The following PRIM2 variants were observed in gnomAD, a reference collection of about 807,000 sequenced individuals.
PRIM2 encodes the protein DNA primase subunit 2.
PRIM2 carries 39 observed loss-of-function variants against 67.3 expected under a neutral mutation model. The observed-to-expected ratio is 0.58, with a 90% CI of 0.45 to 0.76. The LOEUF (loss-of-function observed/expected upper bound fraction) is 0.76. PRIM2 is among the 30% of genes least tolerant of loss of function. The pLI, the probability that PRIM2 is intolerant of heterozygous loss-of-function variation, is 0.00. For synonymous variants in PRIM2, 143 were observed against 198.7 expected (o/e 0.72, Z 2.36); for missense variants, 398 against 598.7 (o/e 0.66, Z 3.50).
At chr6:57,571,338 A>G (rs1211192581) in intron 10 of PRIM2, among the ~76,000 whole-genome samples, 1 of 152,048 alleles carries the variant, frequency 6.6e-6, no homozygotes, top group Non-Finnish European at 1.5e-5. Context: ...TATTGTGCCT[A>G]TTATTATACA....
At chr6:57,262,798 G>A in the PRIM2 span, among the ~76,000 whole-genome samples, 2 of 152,118 alleles carry the variant, frequency 1.3e-5, no homozygotes, top group Admixed American at 6.5e-5. Context: ...AACTCACAGA[G>A]GTTCTGCAAC....
intron 5 of PRIM2, among the ~76,000 whole-genome samples, chr6:57,346,415 G>C (rs1302408306): frequency 1.3e-5 from 2 of 152,080 alleles, no homozygotes; most frequent in Non-Finnish European, 2.9e-5. Context: ...CGCCTCCTGG[G>C]TTCAAATGAT....
the PRIM2 span, among the ~76,000 whole-genome samples, chr6:57,306,852 A>G: frequency 3.3e-5 from 5 of 152,318 alleles, no homozygotes; most frequent in African/African-American, 1.2e-4. Flanking sequence ...AACTTTTATA[A>G]AAATGCTGAA....
At chr6:57,622,696 A>C (rs1179017959) in intron 12 of PRIM2, among the ~76,000 whole-genome samples, 1 of 152,194 alleles carries the variant, frequency 6.6e-6, no homozygotes, top group Non-Finnish European at 1.5e-5. Flanking sequence ...GGTGCTTCTA[A>C]GAAACTTAAG....
chr6:57,332,131 T>C (rs1489240334), intron 5 of PRIM2, among the ~76,000 whole-genome samples: 1 of 152,152 alleles, frequency 6.6e-6, no homozygotes, highest in Non-Finnish European at 1.5e-5. Flanking sequence ...TATTCTTTTT[T>C]ACTTTGACAC....
At chr6:57,477,964 AAAATAT>A (rs1421604259) in intron 7 of PRIM2, among the ~76,000 whole-genome samples, 1 of 152,242 alleles carries the variant, frequency 6.6e-6, no homozygotes, top group Non-Finnish European at 1.5e-5. Context: ...GCACTGCACT[AAAATAT>A]AAATAAAAAT....
the PRIM2 span, among the ~76,000 whole-genome samples, chr6:57,263,924 A>T: frequency 6.6e-6 from 1 of 152,174 alleles, no homozygotes; most frequent in Non-Finnish European, 1.5e-5. Flanking sequence ...CTCCTGACTC[A>T]TGATCAATCC....
chr6:57,244,833 A>C, the PRIM2 span, among the ~76,000 whole-genome samples: 1 of 151,562 alleles, frequency 6.6e-6, no homozygotes, highest in Non-Finnish European at 1.5e-5. Context: ...AAGTTTCTGA[A>C]CTCCTTGAGG....
intron 7 of PRIM2, among the ~76,000 whole-genome samples, chr6:57,460,474 G>A (rs1772967802): frequency 6.6e-6 from 1 of 152,086 alleles, no homozygotes; most frequent in Non-Finnish European, 1.5e-5. Flanking sequence ...ATATTATTCT[G>A]TAATGCTCGT....
At chr6:57,449,668 T>TAAG (rs1772475665) in intron 7 of PRIM2, among the ~76,000 whole-genome samples, 1 of 152,230 alleles carries the variant, frequency 6.6e-6, no homozygotes, top group Non-Finnish European at 1.5e-5. Flanking sequence ...TTCAAGCATT[T>TAAG]AAGTGCTTGT....
At chr6:57,329,254 T>A (rs533972134) in intron 5 of PRIM2, among the ~76,000 whole-genome samples, 1 of 152,318 alleles carries the variant, frequency 6.6e-6, no homozygotes, top group South Asian at 2.1e-4. Flanking sequence ...GTTTTTTCTG[T>A]AAGAGTTTTG....
chr6:57,227,322 GT>G, the PRIM2 span, among the ~76,000 whole-genome samples: 1 of 152,184 alleles, frequency 6.6e-6, no homozygotes, highest in African/African-American at 2.4e-5. Flanking sequence ...TCACAATCAA[GT>G]TTTTGTCATC....
rs550999148 is a variant in PRIM2, at chr6:57,437,757, CTGG to C, written c.693+55590_693+55592del. ...CTTGGCTCACTGCAGCCTCGAACTC[CTGG>C]GCTCAAGCGTTCCTCCTACCTAGCC... On this transcript the variant is annotated intron_variant, in intron 7 of 13. Transcript: ENST00000615550. Among the ~76,000 whole-genome samples the C allele has an allele frequency of 3.9e-3, 581 of 150,146 alleles. 1 individual carries two copies. Among genetic ancestry groups the C allele is most frequent in the African/African-American group, 0.013 (543 of 40,776 alleles).
chr6:57,328,526 T>C (rs991958850), intron 5 of PRIM2, among the ~76,000 whole-genome samples: 2 of 152,268 alleles, frequency 1.3e-5, no homozygotes, highest in African/African-American at 4.8e-5. Flanking sequence ...GTATCAGTAT[T>C]AATTTTTTAA....
chr6:57,241,764 C>T, the PRIM2 span, among the ~76,000 whole-genome samples: 2 of 149,588 alleles, frequency 1.3e-5, no homozygotes, highest in South Asian at 2.1e-4. Context: ...GCTCTGCCTC[C>T]CGGGTTCACG....
the PRIM2 span, among the ~76,000 whole-genome samples, chr6:57,253,175 GA>G: frequency 1.4e-5 from 2 of 141,752 alleles, no homozygotes; most frequent in African/African-American, 5.3e-5. Flanking sequence ...AATTTCCTAA[GA>G]AAAACAACAT....
At chr6:57,565,974 T>A (rs1775730637) in intron 10 of PRIM2, among the ~76,000 whole-genome samples, 1 of 152,218 alleles carries the variant, frequency 6.6e-6, no homozygotes, top group South Asian at 2.1e-4. Flanking sequence ...AGGATTTACA[T>A]CAGGTCACAT....
chr6:57,582,661 A>C (rs1406872298), intron 10 of PRIM2, among the ~76,000 whole-genome samples: 10 of 152,160 alleles, frequency 6.6e-5, no homozygotes, highest in African/African-American at 2.4e-4. Context: ...TGCGACTTTC[A>C]GATGGCCCTT....
At chr6:57,392,861 A>G (rs1770400205) in intron 7 of PRIM2, among the ~76,000 whole-genome samples, 1 of 152,004 alleles carries the variant, frequency 6.6e-6, no homozygotes, top group African/African-American at 2.4e-5. Context: ...TCCTCATAGC[A>G]TAGCTCCCAC....
Sources: allele counts gnomAD v4.1 joint callset (sites outside exome capture counted in the v4.1 genomes callset), GRCh38; gene constraint gnomAD v4.1.1; transcripts MANE v1.5; gene names NCBI Gene and HGNC (gene_info 2026-07-23, HGNC 2026-07-21).